Variants in DRC8 observed in about 807,000 individuals in gnomAD.
The protein encoded by DRC8 is dynein regulatory complex subunit 8.
At chr1:245,064,302 A>G in the DRC8 span, among the ~76,000 whole-genome samples, 3 of 152,376 alleles carry the variant, frequency 2.0e-5, no homozygotes, top group East Asian at 3.9e-4. Flanking sequence ...TGACCAGCAC[A>G]TAGTAAAGAT....
the DRC8 span, among the ~76,000 whole-genome samples, chr1:245,051,583 G>T: frequency 6.6e-6 from 1 of 152,100 alleles, no homozygotes; most frequent in East Asian, 1.9e-4. Context: ...TCTGCAGCGC[G>T]GTGAGGCATG....
the DRC8 span, among the ~76,000 whole-genome samples, chr1:245,032,881 G>A: frequency 6.6e-6 from 1 of 152,102 alleles, no homozygotes; most frequent in Admixed American, 6.6e-5. Context: ...CCCTAGCCAG[G>A]TGTGGTGGTG....
chr1:245,032,140 G>A, the DRC8 span, among the ~76,000 whole-genome samples: 2 of 152,200 alleles, frequency 1.3e-5, no homozygotes, highest in Non-Finnish European at 2.9e-5. Flanking sequence ...AAGGCGAGGT[G>A]TCTGAGAGGC....
the DRC8 span, among the ~76,000 whole-genome samples, chr1:245,062,976 C>T: frequency 2.1e-3 from 323 of 152,292 alleles, 2 homozygotes; most frequent in Non-Finnish European, 1.3e-3. Flanking sequence ...TCTACAATTA[C>T]CTAATCTAGT....
the DRC8 span, chr1:244,970,505 G>A: frequency 4.0e-6 from 6 of 1,508,854 alleles, no homozygotes; most frequent in South Asian, 6.1e-5. Flanking sequence ...GGGCTGCACG[G>A]GGAAGCGCCG....
chr1:245,062,434 A>G, the DRC8 span, among the ~76,000 whole-genome samples: 1 of 152,224 alleles, frequency 6.6e-6, no homozygotes, highest in South Asian at 2.1e-4. Context: ...AGGCTACCAA[A>G]TAATCCTTCT....
At chr1:245,071,813 T>A in the DRC8 span, among the ~76,000 whole-genome samples, 1 of 152,212 alleles carries the variant, frequency 6.6e-6, no homozygotes, top group East Asian at 1.9e-4. Context: ...AACCTGAGTG[T>A]CCATTAACAC....
At chr1:245,048,302 G>A in the DRC8 span, among the ~76,000 whole-genome samples, 76 of 152,260 alleles carry the variant, frequency 5.0e-4, no homozygotes, top group African/African-American at 1.8e-3. Flanking sequence ...AGTTTCTGAA[G>A]TACTGAGTGA....
the DRC8 span, among the ~76,000 whole-genome samples, chr1:245,026,562 C>T: frequency 6.6e-6 from 1 of 152,060 alleles, no homozygotes. Flanking sequence ...AAACTGTTAT[C>T]GATACTGGGT....
the DRC8 span, among the ~76,000 whole-genome samples, chr1:244,976,519 T>C: frequency 6.6e-6 from 1 of 152,226 alleles, no homozygotes; most frequent in Non-Finnish European, 1.5e-5. Flanking sequence ...GTTTTTGCTC[T>C]GATATATAAA....
chr1:244,976,385 G>A, the DRC8 span, among the ~76,000 whole-genome samples: 1 of 152,138 alleles, frequency 6.6e-6, no homozygotes, highest in Non-Finnish European at 1.5e-5. Flanking sequence ...TTTTCTTCCT[G>A]TTTTAGACCA....
the DRC8 span, chr1:244,970,366 C>G: frequency 6.5e-7 from 1 of 1,530,190 alleles, no homozygotes; most frequent in Non-Finnish European, 8.7e-7. Context: ...GGCCGGGACA[C>G]CGCGGCCGAG....
chr1:245,108,167 C>T, the DRC8 span, among the ~76,000 whole-genome samples: 8 of 152,176 alleles, frequency 5.3e-5, no homozygotes, highest in Non-Finnish European at 8.8e-5. Flanking sequence ...CTCCCTCCAC[C>T]GCCAAGCATT....
the DRC8 span, among the ~76,000 whole-genome samples, chr1:245,011,949 C>T: frequency 1.3e-5 from 2 of 152,280 alleles, no homozygotes; most frequent in East Asian, 3.9e-4. Flanking sequence ...GGCGCAGTGG[C>T]TCATGCCTGT....
the DRC8 span, among the ~76,000 whole-genome samples, chr1:244,991,154 A>G: frequency 0.022 from 3,417 of 152,276 alleles, 139 homozygotes; most frequent in African/African-American, 0.077. Context: ...ATAATTTGCT[A>G]TAAAGGTTCA....
the DRC8 span, among the ~76,000 whole-genome samples, chr1:245,100,574 A>C: frequency 6.6e-6 from 1 of 151,930 alleles, no homozygotes; most frequent in South Asian, 2.1e-4. Context: ...TCAGCTCAGG[A>C]GTTCGAGACC....
At chr1:245,102,720 A>G in the DRC8 span, among the ~76,000 whole-genome samples, 1 of 152,258 alleles carries the variant, frequency 6.6e-6, no homozygotes, top group African/African-American at 2.4e-5. Context: ...AGAACAAAAA[A>G]CATACAAAAC....
chr1:245,010,108 A>G, the DRC8 span, among the ~76,000 whole-genome samples: 135 of 149,780 alleles, frequency 9.0e-4, 2 homozygotes, highest in East Asian at 5.9e-3. Flanking sequence ...TGATCTGGCC[A>G]CCTCGGCCTC....
chr1:245,083,960 C>A, the DRC8 span: 1 of 303,646 alleles, frequency 3.3e-6, no homozygotes, highest in Non-Finnish European at 6.0e-6. Context: ...CAGAGCATTT[C>A]CAGAATAAAA....
Sources: gnomAD v4.1 joint callset for allele counts (sites outside exome capture counted in the v4.1 genomes callset) on GRCh38, gnomAD v4.1.1 for gene constraint, MANE v1.5 for transcripts, NCBI Gene and HGNC (gene_info 2026-07-23, HGNC 2026-07-21) for gene names.